Variants in CACNA1E observed in about 807,000 individuals in gnomAD.
CACNA1E encodes calcium voltage-gated channel subunit alpha1 E, also known as voltage-dependent R-type calcium channel subunit alpha-1E.
Under a neutral mutation model 259.2 loss-of-function variants are expected in CACNA1E, and 40 were observed. The observed-to-expected ratio is 0.15, with a 90% CI of 0.12 to 0.20. CACNA1E has a LOEUF of 0.20. CACNA1E is among the 10% of genes least tolerant of loss of function. CACNA1E has a pLI of 1.00. For missense variants in CACNA1E, 1,874 were observed against 3,040.1 expected (o/e 0.62, Z 9.02); for synonymous variants, 1,104 against 1,138.5 (o/e 0.97, Z 0.61).
At chr1:181,424,531 C>T (rs1659013044) in intron 2 of CACNA1E, among the ~76,000 whole-genome samples, 1 of 152,228 alleles carries the variant, frequency 6.6e-6, no homozygotes, top group Admixed American at 6.5e-5. Flanking sequence ...GTGGAGACCG[C>T]CTGTGACAAG....
chr1:181,480,674 A>G (rs1168893991), upstream of CACNA1E, among the ~76,000 whole-genome samples: 1 of 152,214 alleles, frequency 6.6e-6, no homozygotes, highest in Non-Finnish European at 1.5e-5. Flanking sequence ...AGCCCTGCTT[A>G]TTCTGGGCAT....
upstream of CACNA1E, among the ~76,000 whole-genome samples, chr1:181,478,546 A>C (rs1282400349): frequency 4.6e-5 from 7 of 152,230 alleles, no homozygotes; most frequent in Non-Finnish European, 1.0e-4. Context: ...ACTGCTTTGC[A>C]TAAGAGTCTA....
intron 1 of CACNA1E, among the ~76,000 whole-genome samples, chr1:181,340,301 AT>A (rs1315626491): frequency 6.6e-6 from 1 of 151,948 alleles, no homozygotes; most frequent in East Asian, 1.9e-4. Context: ...CTGTTGATTA[AT>A]TTGTTTATTC....
chr1:181,383,831 C>A (rs1381213597), intron 1 of CACNA1E, among the ~76,000 whole-genome samples: 2 of 152,202 alleles, frequency 1.3e-5, no homozygotes, highest in Non-Finnish European at 2.9e-5. Flanking sequence ...GGATGTGTGG[C>A]ACCTCCAGAC....
chr1:181,691,568 C>A (rs1298085671), intron 7 of CACNA1E, among the ~76,000 whole-genome samples: 1 of 151,982 alleles, frequency 6.6e-6, no homozygotes, highest in Non-Finnish European at 1.5e-5. Context: ...GCCAAAAAAC[C>A]ATATGATCAT....
chr1:181,614,146 G>A (rs1418935410), intron 6 of CACNA1E, among the ~76,000 whole-genome samples: 4 of 152,300 alleles, frequency 2.6e-5, no homozygotes, highest in Non-Finnish European at 5.9e-5. Flanking sequence ...TTCACAAAAA[G>A]TATAATGTTT....
intron 35 of CACNA1E, among the ~76,000 whole-genome samples, chr1:181,770,108 G>A (rs1020777807): frequency 7.2e-5 from 11 of 152,174 alleles, no homozygotes. Flanking sequence ...ATAGCTGGGG[G>A]CAGAGATTGT....
chr1:181,721,525 ATCT>A (rs1401490130), intron 15 of CACNA1E, among the ~76,000 whole-genome samples: 1 of 152,196 alleles, frequency 6.6e-6, no homozygotes, highest in Non-Finnish European at 1.5e-5. Flanking sequence ...GAGGAACAGA[ATCT>A]TTCCCTTTGA....
At chr1:181,549,670 G>A (rs1476587997) in intron 3 of CACNA1E, among the ~76,000 whole-genome samples, 1 of 152,216 alleles carries the variant, frequency 6.6e-6, no homozygotes, top group Non-Finnish European at 1.5e-5. Context: ...CGTGCTTGCT[G>A]GAGCAATGGG....
intron 7 of CACNA1E, among the ~76,000 whole-genome samples, chr1:181,704,117 G>C (rs1261435643): frequency 1.3e-5 from 2 of 152,102 alleles, no homozygotes; most frequent in African/African-American, 4.8e-5. Flanking sequence ...TTCTGTTTTG[G>C]CCTTTATTGA....
chr1:181,365,854 A>G (rs1654232723), intron 1 of CACNA1E, among the ~76,000 whole-genome samples: 1 of 152,240 alleles, frequency 6.6e-6, no homozygotes, highest in African/African-American at 2.4e-5. Context: ...TAGCTACAGC[A>G]TCCTCACAGA....
intron 1 of CACNA1E, among the ~76,000 whole-genome samples, chr1:181,410,625 G>A (rs990372472): frequency 6.6e-6 from 1 of 152,174 alleles, no homozygotes; most frequent in African/African-American, 2.4e-5. Context: ...GCATAACGAG[G>A]AGGGGGGCTG....
At chr1:181,652,328 G>A (rs752820218) in intron 7 of CACNA1E, among the ~76,000 whole-genome samples, 2 of 152,062 alleles carry the variant, frequency 1.3e-5, no homozygotes, top group Non-Finnish European at 2.9e-5. Flanking sequence ...TGTCAGAGTG[G>A]CATACGTTCT....
Position 181,679,393 on chromosome 1 carries a change from G to A in CACNA1E, c.1055+27952G>A, listed in dbSNP as rs551872288. On this transcript the variant is annotated intron_variant, in intron 7 of 47. Coordinates refer to ENST00000367573, the MANE Select transcript of CACNA1E (RefSeq NM_001205293.3). ...GTCTCTCTTAATCCAAAGCTCACGT[G>A]CTTTGTCCTACACTCTGCTGCCCCT... Among the ~76,000 whole-genome samples the A allele has an allele frequency of 2.9e-4, 44 of 152,272 alleles. 1 individual carries two copies. The highest frequency in any genetic ancestry group is 8.9e-4 in the African/African-American group (37 of 41,536).
chr1:181,415,131 C>T (rs1658169466), intron 2 of CACNA1E, among the ~76,000 whole-genome samples: 1 of 151,670 alleles, frequency 6.6e-6, no homozygotes. Context: ...TCCATCTTAT[C>T]TTTCTAAGAG....
chr1:181,412,135 T>C (rs1183364338), intron 1 of CACNA1E, among the ~76,000 whole-genome samples: 1 of 152,238 alleles, frequency 6.6e-6, no homozygotes, highest in Non-Finnish European at 1.5e-5. Flanking sequence ...AATCTGGTTA[T>C]GTCCTCCTTG....
chr1:181,564,331 A>T (rs566661225), intron 3 of CACNA1E, among the ~76,000 whole-genome samples: 1 of 152,224 alleles, frequency 6.6e-6, no homozygotes, highest in Non-Finnish European at 1.5e-5. Context: ...TCATTTTAAC[A>T]ATGTTCACAG....
chr1:181,375,433 G>A (rs899631948), intron 1 of CACNA1E, among the ~76,000 whole-genome samples: 1 of 152,154 alleles, frequency 6.6e-6, no homozygotes, highest in Non-Finnish European at 1.5e-5. Flanking sequence ...AGACCTCTGG[G>A]GATATCTGAT....
At chr1:181,470,427 G>T (rs1662432342) in intron 2 of CACNA1E, among the ~76,000 whole-genome samples, 1 of 152,012 alleles carries the variant, frequency 6.6e-6, no homozygotes. Context: ...TCTCTATGTT[G>T]CCCAGGCTGA....
Sources: gnomAD v4.1 joint callset for allele counts (sites outside exome capture counted in the v4.1 genomes callset) on GRCh38, gnomAD v4.1.1 for gene constraint, MANE v1.5 for transcripts, NCBI Gene and HGNC (gene_info 2026-07-23, HGNC 2026-07-21) for gene names.